KLF6: variants seen among roughly 807,000 people sequenced by gnomAD.
KLF6 encodes the protein Krueppel-like factor 6.
For synonymous variants in KLF6, 152 were observed against 147.9 expected, an observed-to-expected ratio of 1.03 and a Z score of -0.20; for missense variants, 233 against 359.8, an observed-to-expected ratio of 0.65 and a Z score of 2.85.
intron 1 of KLF6, among the ~76,000 whole-genome samples, chr10:3,783,708 G>A (rs1024447766): frequency 5.3e-5 from 8 of 152,204 alleles, no homozygotes; most frequent in African/African-American, 1.7e-4. Context: ...CACATTTATG[G>A]AGATCTTGTT....
Position 3,777,639 on chromosome 10 carries a change from G to GTTTTCATTTT in KLF6, c.*1890_*1899dup. On this transcript the variant is annotated 3_prime_UTR_variant, in exon 4 of 4. Transcript: ENST00000497571. ...AAGCCTCTATAAAAGTTAGGTTATG[G>GTTTTCATTTT]TTTTCATTTTTACCTCCTTTATGGC... 1 of 494,012 alleles carries GTTTTCATTTT rather than the reference G, an allele frequency of 2.0e-6. No homozygotes were observed. The highest frequency in any genetic ancestry group is 5.9e-4 in the Middle Eastern group (1 of 1,692). The allele number at this position is 494,012 out of a possible 1,614,324, so 30.6% of individuals were successfully genotyped here.
chr10:3,776,170 C>G lies in KLF6; in HGVS notation c.*3369G>C, dbSNP rs1832368031. 1.9e-6 allele frequency: 1 copy of G among 530,824 alleles called. No homozygotes were observed. The highest frequency in any genetic ancestry group is 3.6e-6 in the Non-Finnish European group (1 of 274,142). 32.9% of individuals were successfully genotyped at this position (530,824 alleles called of 1,614,324 possible). A position where few individuals can be genotyped will look rare whatever the true frequency, so the allele number is the denominator to read the frequency against. On this transcript the variant is annotated 3_prime_UTR_variant, in exon 4 of 4. Transcript: ENST00000497571. Reference sequence around the variant, plus strand: ...GGTAGGCCCAGCTCTAGCTGCGGAACTGGAGCAGGCTGTGGAGGCACAGAA... The same window carrying G: ...GGTAGGCCCAGCTCTAGCTGCGGAAGTGGAGCAGGCTGTGGAGGCACAGAA...
In KLF6 at chr10:3,776,488, G is replaced by A. The variant is rs1191421786; in HGVS notation, c.*3051C>T. Reference sequence around the variant, plus strand: ...TTTGCCCCCAGGAGGAAGCCAGGGTGATGAATGCAGGAGGAATCTGTTCCA... The same window carrying A: ...TTTGCCCCCAGGAGGAAGCCAGGGTAATGAATGCAGGAGGAATCTGTTCCA... On this transcript the variant is annotated 3_prime_UTR_variant, in exon 4 of 4. Transcript: ENST00000497571. 2 of 530,666 alleles carry A rather than the reference G, an allele frequency of 3.8e-6. No individual in the cohort carries two copies. Among genetic ancestry groups the A allele is most frequent in the Admixed American group, 4.5e-5 (2 of 44,916 alleles). 32.9% of individuals were successfully genotyped at this position (530,666 alleles called of 1,614,324 possible). A position where few individuals can be genotyped will look rare whatever the true frequency, so the allele number is the denominator to read the frequency against.
Position 3,780,669 on chromosome 10 carries a change from C to T in KLF6, c.677-440G>A. On this transcript the variant is annotated intron_variant, in intron 2 of 3. Coordinates refer to ENST00000497571, the MANE Select transcript of KLF6 (RefSeq NM_001300.6). The surrounding 1 kb of genome is among the most constrained non-coding windows in gnomAD (Gnocchi z 4.6). Reference sequence around the variant, plus strand: ...CTGCAGTTTCCTCAGGGACGTTCTACCTTTCTACAAAGCTGAAGTTACGAG... The same window carrying T: ...CTGCAGTTTCCTCAGGGACGTTCTATCTTTCTACAAAGCTGAAGTTACGAG... 3.5e-6 allele frequency: 1 copy of T among 283,286 alleles called. No homozygotes were observed. Among genetic ancestry groups the T allele is most frequent in the South Asian group, 3.6e-5 (1 of 27,730 alleles). The allele number at this position is 283,286 out of a possible 1,614,324, so 17.5% of individuals were successfully genotyped here.
chr10:3,785,031 C>T lies in KLF6; in HGVS notation c.-17G>A, dbSNP rs1832619212. ...CACGTCCATGTCGGGCCGGGTTGGA[C>T]GGAGCCCGCGGTCGCGAGGGCGGCG... On this transcript the variant is annotated 5_prime_UTR_variant, in exon 1 of 4. Transcript: ENST00000497571. The T allele has an allele frequency of 1.9e-6, 3 of 1,610,896 alleles. No individual in the cohort carries two copies. Among genetic ancestry groups the T allele is most frequent in the Non-Finnish European group, 2.5e-6 (3 of 1,178,568 alleles).
Position 3,781,989 on chromosome 10 carries a change from T to C in KLF6, c.328A>G (p.Ser110Gly). The C allele has an allele frequency of 3.1e-6, 5 of 1,614,142 alleles. No homozygotes were observed. Among genetic ancestry groups the C allele is most frequent in the Non-Finnish European group, 4.2e-6 (5 of 1,179,960 alleles). ...ETNSLNSDVS[S>G]ESSDSSEELS... ...TCCTCGGAGCTGTCAGAGGATTCGC[T>C]GCTGACATCTGAGTTCAGGCTGTTG... Residue 110 changes from serine to glycine, a missense_variant, in exon 2 of 4, where the codon AGC becomes GGC. Coordinates refer to ENST00000497571, the MANE Select transcript of KLF6 (RefSeq NM_001300.6). This position sits in a 1 kb window ranked among gnomAD's most constrained non-coding sequence, Gnocchi z 5.8.
chr10:3,776,463 T>C lies in KLF6; in HGVS notation c.*3076A>G, dbSNP rs1224941449. The C allele has an allele frequency of 1.9e-6, 1 of 531,354 alleles. No homozygotes were observed. Among genetic ancestry groups the C allele is most frequent in the Non-Finnish European group, 3.6e-6 (1 of 274,582 alleles). 32.9% of individuals were successfully genotyped at this position (531,354 alleles called of 1,614,324 possible). ...TGTTCTCAGGGTTGCTCAATGAAGATTTGCCCCCAGGAGGAAGCCAGGGTG... is the reference window on the plus strand; with the variant it reads ...TGTTCTCAGGGTTGCTCAATGAAGACTTGCCCCCAGGAGGAAGCCAGGGTG... On this transcript the variant is annotated 3_prime_UTR_variant, in exon 4 of 4. Transcript: ENST00000497571.
chr10:3,781,932 G>A lies in KLF6; in HGVS notation c.385C>T (p.Pro129Ser), dbSNP rs761334451. The A allele has an allele frequency of 1.9e-6, 3 of 1,614,208 alleles. No individual in the cohort carries two copies. The highest frequency in any genetic ancestry group is 1.7e-5 in the Admixed American group (1 of 60,014). ...LSPTAKFTSD[P>S]IGEVLVSSGK... The stretch of plus-strand genomic sequence containing the variant: ...GAGCTGACCAAAACTTCGCCAATGG[G>A]GTCGGAGGTAAACTTGGCCGTGGGA... Residue 129 changes from proline (P) to serine (S), a missense_variant, in exon 2 of 4, where the codon CCC (proline) becomes TCC (serine). Physicochemically the swap from Pro to Ser is moderately conservative, Grantham distance 74 (BLOSUM62 -1). Transcript: ENST00000497571. The surrounding 1 kb of genome is among the most constrained non-coding windows in gnomAD (Gnocchi z 5.8).
chr10:3,784,768 T>C, intron 1 of KLF6, 145 bp downstream of exon 1: 3 of 718,618 alleles, frequency 4.2e-6, no homozygotes, highest in Non-Finnish European at 6.2e-6. Flanking sequence ...GGAGGATCGA[T>C]CGGCGGGGGC....
In KLF6 at chr10:3,781,936, G is replaced by T; in HGVS notation, c.381C>A (p.Ser127=). Residue 127 remains serine (S), a synonymous_variant, in exon 2 of 4, where the codon TCC becomes TCA. Coordinates refer to ENST00000497571, the MANE Select transcript of KLF6 (RefSeq NM_001300.6). This position sits in a 1 kb window ranked among gnomAD's most constrained non-coding sequence, Gnocchi z 5.8. The stretch of plus-strand genomic sequence containing the variant: ...TGACCAAAACTTCGCCAATGGGGTC[G>T]GAGGTAAACTTGGCCGTGGGAGAAA... The part of the protein sequence containing the change: ...EELSPTAKFT[S]DPIGEVLVSS... 4 of 1,614,204 alleles carry T rather than the reference G, an allele frequency of 2.5e-6. No homozygotes were observed. The highest frequency in any genetic ancestry group is 3.4e-6 in the Non-Finnish European group (4 of 1,180,040).
rs747802943 is a variant in KLF6 at position 3,777,153 on chromosome 10, C to A, written c.*2386G>T. 5.9e-6 allele frequency: 3 copies of A among 512,196 alleles called. No individual in the cohort carries two copies. In the Middle Eastern group the frequency reaches 1.7e-3, roughly 284 times the overall value. 31.7% of individuals were successfully genotyped at this position (512,196 alleles called of 1,614,324 possible). A position where few individuals can be genotyped will look rare whatever the true frequency, so the allele number is the denominator to read the frequency against. ...ATAAAAAAAAAACCAGTTATGTGAG[C>A]GTTAGTCACTGCTCATTTCCAGGAA... is the stretch of plus-strand genomic sequence containing the variant. On this transcript the variant is annotated 3_prime_UTR_variant, in exon 4 of 4. Coordinates refer to ENST00000497571, the MANE Select transcript of KLF6 (RefSeq NM_001300.6).
In KLF6 at chr10:3,781,608, C is replaced by T. The variant is rs893952756; in HGVS notation, c.676+33G>A. On this transcript the variant is annotated intron_variant, in intron 2 of 3. Transcript: ENST00000497571. This position sits in a 1 kb window ranked among gnomAD's most constrained non-coding sequence, Gnocchi z 5.8. ...GGTGCAATGCAGTGGCGCCCACCAG[C>T]GGCCGCCCTCCGGGGCCCGCGTGGG... The T allele has an allele frequency of 1.2e-6, 2 of 1,607,220 alleles. No homozygotes were observed. The highest frequency in any genetic ancestry group is 8.5e-7 in the Non-Finnish European group (1 of 1,176,942).
At position 3,780,490 on chromosome 10, in the gene KLF6, GACC is replaced by G. The variant is rs1832492813; in HGVS notation, c.677-264_677-262del. 2.1e-5 allele frequency: 11 copies of G among 531,918 alleles called. No homozygotes were observed. The South Asian group carries it at 2.2e-4, about 10-fold the overall frequency. 32.9% of individuals were successfully genotyped at this position (531,918 alleles called of 1,614,324 possible). A position where few individuals can be genotyped will look rare whatever the true frequency, so the allele number is the denominator to read the frequency against. ...GTCATCAAAGTTAACGTGGAAGAAC[GACC>G]ACGACTCAGACCAGCAAAATGCTTG... On this transcript the variant is annotated intron_variant, in intron 2 of 3. Transcript: ENST00000497571. The surrounding 1 kb of genome is among the most constrained non-coding windows in gnomAD (Gnocchi z 4.6).
chr10:3,784,028 C>G (rs1038937874), intron 1 of KLF6, among the ~76,000 whole-genome samples: 1 of 152,168 alleles, frequency 6.6e-6, no homozygotes, highest in African/African-American at 2.4e-5. Flanking sequence ...GCTTTCGAGG[C>G]TTGGAAACCC....
In KLF6 at chr10:3,776,702, CAAAA is replaced by C. The variant is rs35554797; in HGVS notation, c.*2833_*2836del. 153 of 395,910 alleles carry C rather than the reference CAAAA, an allele frequency of 3.9e-4. No individual in the cohort carries two copies. The highest frequency in any genetic ancestry group is 7.7e-4 in the Middle Eastern group (1 of 1,300). The allele number at this position is 395,910 out of a possible 1,614,324, so 24.5% of individuals were successfully genotyped here. ...GATTCTTTAGATAACAGGGTGCTTC[CAAAA>C]AAAAAAAAAAAAGAAATTTCACTAA... On this transcript the variant is annotated 3_prime_UTR_variant, in exon 4 of 4. Coordinates refer to ENST00000497571, the MANE Select transcript of KLF6 (RefSeq NM_001300.6).
At position 3,777,873 on chromosome 10, in the gene KLF6, A is replaced by G. The variant is rs1383413912; in HGVS notation, c.*1666T>C. 2 of 487,354 alleles carry G rather than the reference A, an allele frequency of 4.1e-6. No individual in the cohort carries two copies. 30.2% of individuals were successfully genotyped at this position (487,354 alleles called of 1,614,324 possible). On this transcript the variant is annotated 3_prime_UTR_variant, in exon 4 of 4. Transcript: ENST00000497571. Reference sequence around the variant, plus strand: ...TTCTGTATTACCAACAGATAGCTAGACAGATATGTGAAACTTGTGCCTTTT... The same window carrying G: ...TTCTGTATTACCAACAGATAGCTAGGCAGATATGTGAAACTTGTGCCTTTT...
chr10:3,776,812 T>C lies in KLF6; in HGVS notation c.*2727A>G. 2 of 523,290 alleles carry C rather than the reference T, an allele frequency of 3.8e-6. No individual in the cohort carries two copies. The highest frequency in any genetic ancestry group is 3.7e-6 in the Non-Finnish European group (1 of 269,660). 32.4% of individuals were successfully genotyped at this position (523,290 alleles called of 1,614,324 possible). ...ATCACCTGAACAGAATGTACTTCTT[T>C]ATGTACGTGCTAATTATGAAAATCA... is the stretch of plus-strand genomic sequence containing the variant. On this transcript the variant is annotated 3_prime_UTR_variant, in exon 4 of 4. Transcript: ENST00000497571.
At position 3,779,421 on chromosome 10, in the gene KLF6, G is replaced by A. The variant is rs776282311; in HGVS notation, c.*118C>T. 1.1e-6 allele frequency: 1 copy of A among 880,392 alleles called. No homozygotes were observed. The highest frequency in any genetic ancestry group is 2.5e-5 in the East Asian group (1 of 39,962). 54.5% of individuals were successfully genotyped at this position (880,392 alleles called of 1,614,324 possible). A position where few individuals can be genotyped will look rare whatever the true frequency, so the allele number is the denominator to read the frequency against. ...AAAAGACCTTCCAAGGAGAGGCCCTGGAGGCAACTGGGTAGGGTGCAGAAC... is the reference window on the plus strand; with the variant it reads ...AAAAGACCTTCCAAGGAGAGGCCCTAGAGGCAACTGGGTAGGGTGCAGAAC... On this transcript the variant is annotated 3_prime_UTR_variant, in exon 4 of 4. Coordinates refer to ENST00000497571, the MANE Select transcript of KLF6 (RefSeq NM_001300.6).
At position 3,780,010 on chromosome 10, in the gene KLF6, C is replaced by T. The variant is rs1253590838; in HGVS notation, c.800+96G>A. 6.8e-7 allele frequency: 1 copy of T among 1,464,668 alleles called. No individual in the cohort carries two copies. 90.7% of individuals were successfully genotyped at this position (1,464,668 alleles called of 1,614,324 possible). ...ATGTTCACACATAGGAAACTGCATG[C>T]CTTCCTTCGAATGTGCCCTGCACAC... is the stretch of plus-strand genomic sequence containing the variant. On this transcript the variant is annotated intron_variant, in intron 3 of 3. Coordinates refer to ENST00000497571, the MANE Select transcript of KLF6 (RefSeq NM_001300.6). This position sits in a 1 kb window ranked among gnomAD's most constrained non-coding sequence, Gnocchi z 4.6.
Sources: allele counts gnomAD v4.1 joint callset (sites outside exome capture counted in the v4.1 genomes callset), GRCh38; gene constraint gnomAD v4.1.1; non-coding constraint Gnocchi (gnomAD v3.1); transcripts MANE v1.5; gene names NCBI Gene and HGNC (gene_info 2026-07-23, HGNC 2026-07-21).